Variants in ZNF892 observed in about 807,000 individuals in gnomAD.
ZNF892 encodes the protein zinc finger protein 892.
the ZNF892 span, among the ~76,000 whole-genome samples, chr2:95,207,278 G>C: frequency 6.6e-6 from 1 of 152,320 alleles, no homozygotes; most frequent in East Asian, 1.9e-4. Context: ...GCGGAGATGC[G>C]AAAAGTCCCA....
At chr2:95,207,572 G>T in the ZNF892 span, 31 of 380,182 alleles carry the variant, frequency 8.2e-5, 1 homozygote, top group South Asian at 1.5e-3. Context: ...GCTGTTAGAT[G>T]CCTTTGTCGT....
the ZNF892 span, among the ~76,000 whole-genome samples, chr2:95,253,638 G>C: frequency 6.6e-6 from 1 of 152,160 alleles, no homozygotes; most frequent in Non-Finnish European, 1.5e-5. Context: ...TTGGTAGCTT[G>C]ATGGGGATGG....
the ZNF892 span, among the ~76,000 whole-genome samples, chr2:95,260,187 G>A: frequency 6.6e-6 from 1 of 152,332 alleles, no homozygotes; most frequent in African/African-American, 2.4e-5. Context: ...CCTGCTGCCT[G>A]TTGCAACATG....
chr2:95,213,453 A>G, the ZNF892 span, among the ~76,000 whole-genome samples: 1 of 152,180 alleles, frequency 6.6e-6, no homozygotes. Flanking sequence ...TTTAGCAATG[A>G]AGCTTTTCCC....
At chr2:95,254,709 C>G in the ZNF892 span, among the ~76,000 whole-genome samples, 6 of 152,078 alleles carry the variant, frequency 3.9e-5, no homozygotes, top group Non-Finnish European at 8.8e-5. Flanking sequence ...TCCATCTGGT[C>G]CTGGACTTTT....
At chr2:95,248,871 T>C in the ZNF892 span, among the ~76,000 whole-genome samples, 1 of 152,156 alleles carries the variant, frequency 6.6e-6, no homozygotes, top group Non-Finnish European at 1.5e-5. Flanking sequence ...ATTACTCTAC[T>C]TTCACCTAAT....
the ZNF892 span, among the ~76,000 whole-genome samples, chr2:95,226,564 A>G: frequency 1.3e-5 from 2 of 152,208 alleles, no homozygotes; most frequent in Non-Finnish European, 2.9e-5. Context: ...CTTAGTATGT[A>G]GGGATTCTGG....
the ZNF892 span, among the ~76,000 whole-genome samples, chr2:95,227,125 C>T: frequency 7.4e-6 from 1 of 135,392 alleles, no homozygotes; most frequent in Admixed American, 7.1e-5. Context: ...TCCCTCCCTC[C>T]CTTCCTTCCT....
At chr2:95,244,880 G>A in the ZNF892 span, among the ~76,000 whole-genome samples, 1 of 152,160 alleles carries the variant, frequency 6.6e-6, no homozygotes, top group Non-Finnish European at 1.5e-5. Context: ...TCAAGATTAA[G>A]AAATTCACTC....
At chr2:95,222,458 A>C in the ZNF892 span, among the ~76,000 whole-genome samples, 1 of 152,208 alleles carries the variant, frequency 6.6e-6, no homozygotes, top group Admixed American at 6.5e-5. Context: ...CAACGTATGA[A>C]GATGTGGTTG....
chr2:95,229,050 C>T, the ZNF892 span, among the ~76,000 whole-genome samples: 12 of 152,110 alleles, frequency 7.9e-5, no homozygotes, highest in African/African-American at 2.2e-4. Context: ...CTTTCCAGAC[C>T]GGACCAATGT....
At chr2:95,210,282 A>G in the ZNF892 span, among the ~76,000 whole-genome samples, 1 of 151,166 alleles carries the variant, frequency 6.6e-6, no homozygotes, top group African/African-American at 2.4e-5. Context: ...TATATATTCA[A>G]GGGGCTCTGG....
the ZNF892 span, among the ~76,000 whole-genome samples, chr2:95,235,533 T>C: frequency 6.6e-6 from 1 of 152,140 alleles, no homozygotes; most frequent in African/African-American, 2.4e-5. Flanking sequence ...GGCTAATTTT[T>C]TGTATTTTTA....
the ZNF892 span, among the ~76,000 whole-genome samples, chr2:95,214,180 T>G: frequency 6.6e-6 from 1 of 152,210 alleles, no homozygotes; most frequent in African/African-American, 2.4e-5. Flanking sequence ...CTCTCAAGAT[T>G]GCAAGACTAT....
At chr2:95,263,254 A>G in the ZNF892 span, among the ~76,000 whole-genome samples, 1 of 152,298 alleles carries the variant, frequency 6.6e-6, no homozygotes, top group African/African-American at 2.4e-5. Flanking sequence ...CTACAGCTAC[A>G]AGGACCTGGA....
At chr2:95,237,992 T>C in the ZNF892 span, among the ~76,000 whole-genome samples, 1 of 152,238 alleles carries the variant, frequency 6.6e-6, no homozygotes, top group Non-Finnish European at 1.5e-5. Context: ...AGAAGCCAGC[T>C]CCATCACATA....
the ZNF892 span, among the ~76,000 whole-genome samples, chr2:95,247,155 CAGACACAT>C: frequency 1.3e-5 from 2 of 152,110 alleles, no homozygotes; most frequent in Admixed American, 6.6e-5. Context: ...GGTACAAAAA[CAGACACAT>C]AGACCAATGG....
At chr2:95,249,722 C>T in the ZNF892 span, among the ~76,000 whole-genome samples, 1 of 151,902 alleles carries the variant, frequency 6.6e-6, no homozygotes, top group East Asian at 1.9e-4. Context: ...TTGGATGTGA[C>T]AAAAATAACA....
the ZNF892 span, among the ~76,000 whole-genome samples, chr2:95,210,113 A>G: frequency 4.7e-5 from 7 of 149,926 alleles, no homozygotes; most frequent in Non-Finnish European, 1.0e-4. Flanking sequence ...ATATGTGTGT[A>G]TATATGTGTG....
Sources: allele counts gnomAD v4.1 joint callset (sites outside exome capture counted in the v4.1 genomes callset), GRCh38; gene constraint gnomAD v4.1.1; transcripts MANE v1.5; gene names NCBI Gene and HGNC (gene_info 2026-07-23, HGNC 2026-07-21).